OPCML: variants seen among roughly 807,000 people sequenced by gnomAD.
OPCML encodes opioid-binding protein/cell adhesion molecule.
OPCML carries 13 observed loss-of-function variants against 37.8 expected under a neutral mutation model. The ratio of observed to expected loss-of-function variants is 0.34; its 90% CI spans 0.22 to 0.55. OPCML has a LOEUF of 0.55. Ranked by LOEUF, OPCML falls within the 20% of genes least tolerant of loss-of-function variation. OPCML has a pLI of 0.91. For synonymous variants in OPCML, 176 were observed against 168.8 expected (o/e 1.04, Z -0.33); for missense variants, 341 against 435.6 (o/e 0.78, Z 1.93).
At chr11:132,665,794 G>A (rs1264201322) in intron 2 of OPCML, among the ~76,000 whole-genome samples, 1 of 152,098 alleles carries the variant, frequency 6.6e-6, no homozygotes, top group East Asian at 1.9e-4. Context: ...GGTAGGCAAG[G>A]TTGAAATAAA....
At chr11:132,461,855 C>T (rs571671534) in intron 4 of OPCML, among the ~76,000 whole-genome samples, 2 of 152,248 alleles carry the variant, frequency 1.3e-5, no homozygotes, top group Admixed American at 1.3e-4. Flanking sequence ...ATAAAATCAT[C>T]AGATCTCCTG....
intron 1 of OPCML, among the ~76,000 whole-genome samples, chr11:133,440,146 G>T (rs1018326059): frequency 6.6e-6 from 1 of 152,072 alleles, no homozygotes; most frequent in African/African-American, 2.4e-5. Context: ...TGTAATCTCA[G>T]CACTTTGGGA....
intron 1 of OPCML, among the ~76,000 whole-genome samples, chr11:133,040,129 C>T (rs767071268): frequency 5.3e-5 from 8 of 152,076 alleles, no homozygotes; most frequent in East Asian, 1.9e-4. Context: ...GACATCCTCA[C>T]GTCAACTACT....
intron 7 of OPCML, among the ~76,000 whole-genome samples, chr11:132,427,629 A>G (rs1377260751): frequency 1.3e-5 from 2 of 152,248 alleles, no homozygotes; most frequent in Non-Finnish European, 2.9e-5. Flanking sequence ...CAAAAGCTTA[A>G]GAAGTTAATA....
chr11:133,083,898 T>C (rs1948779388), intron 1 of OPCML, among the ~76,000 whole-genome samples: 1 of 152,240 alleles, frequency 6.6e-6, no homozygotes, highest in Admixed American at 6.5e-5. Flanking sequence ...GAATTCTTAC[T>C]GTGTGAAAAA....
chr11:133,028,843 AC>A (rs1410322824), intron 1 of OPCML, among the ~76,000 whole-genome samples: 4 of 152,040 alleles, frequency 2.6e-5, no homozygotes, highest in African/African-American at 9.7e-5. Context: ...TGCCACAAAA[AC>A]AAAAATTGAC....
intron 1 of OPCML, among the ~76,000 whole-genome samples, chr11:133,426,367 A>G (rs1946002236): frequency 6.6e-6 from 1 of 152,136 alleles, no homozygotes; most frequent in East Asian, 1.9e-4. Flanking sequence ...GAGACACTGC[A>G]GGAAAAAAGG....
chr11:133,309,128 G>T (rs1943007584), intron 1 of OPCML, among the ~76,000 whole-genome samples: 1 of 152,038 alleles, frequency 6.6e-6, no homozygotes, highest in Admixed American at 6.6e-5. Flanking sequence ...CAAAAAAATG[G>T]GCAGAAGTTT....
intron 1 of OPCML, among the ~76,000 whole-genome samples, chr11:133,448,539 C>T (rs1045084207): frequency 6.6e-6 from 1 of 152,174 alleles, no homozygotes. Context: ...CTCACCGCAA[C>T]CTCCACCTCC....
At chr11:133,188,232 T>C (rs574712) in intron 1 of OPCML, among the ~76,000 whole-genome samples, 2 of 152,190 alleles carry the variant, frequency 1.3e-5, no homozygotes, top group African/African-American at 4.8e-5. Flanking sequence ...CTGAGTGCTG[T>C]CAAACACTAG....
intron 1 of OPCML, among the ~76,000 whole-genome samples, chr11:133,046,915 C>A (rs771916662): frequency 6.6e-6 from 1 of 151,584 alleles, no homozygotes; most frequent in African/African-American, 2.4e-5. Flanking sequence ...AGTTAGGAGC[C>A]GGGGAGTGGA....
At chr11:133,169,413 A>C (rs958305113) in intron 1 of OPCML, among the ~76,000 whole-genome samples, 7 of 152,248 alleles carry the variant, frequency 4.6e-5, no homozygotes, top group African/African-American at 7.2e-5. Context: ...AAACAAAACT[A>C]AATGATTATT....
At chr11:132,885,732 C>G (rs949204118) in intron 2 of OPCML, among the ~76,000 whole-genome samples, 1 of 152,082 alleles carries the variant, frequency 6.6e-6, no homozygotes, top group African/African-American at 2.4e-5. Context: ...AAATATTCAT[C>G]ATCTTGGAAG....
chr11:132,670,346 C>A (rs753634976), intron 2 of OPCML, among the ~76,000 whole-genome samples: 1 of 152,092 alleles, frequency 6.6e-6, no homozygotes, highest in Admixed American at 6.6e-5. Flanking sequence ...CCTACAAATA[C>A]CTGCCTACAT....
chr11:132,873,412 C>A (rs1252087476), intron 2 of OPCML, among the ~76,000 whole-genome samples: 1 of 152,036 alleles, frequency 6.6e-6, no homozygotes, highest in East Asian at 1.9e-4. Flanking sequence ...TGTAGGCATG[C>A]CCCCCAGAGC....
intron 4 of OPCML, among the ~76,000 whole-genome samples, chr11:132,439,058 G>A (rs2096022935): frequency 6.6e-6 from 1 of 152,158 alleles, no homozygotes; most frequent in Admixed American, 6.5e-5. Context: ...GCAATTCCAT[G>A]GAGGAAATAA....
intron 1 of OPCML, among the ~76,000 whole-genome samples, chr11:133,492,210 G>A (rs1591560109): frequency 6.6e-6 from 1 of 152,172 alleles, no homozygotes; most frequent in Non-Finnish European, 1.5e-5. Context: ...GGGGACCATG[G>A]AGAGCTACAG....
At chr11:133,496,262 C>T (rs1424885907) in intron 1 of OPCML, among the ~76,000 whole-genome samples, 1 of 152,128 alleles carries the variant, frequency 6.6e-6, no homozygotes, top group Non-Finnish European at 1.5e-5. Flanking sequence ...GGTCTATGTG[C>T]CTATTTTTAT....
chr11:132,552,763 C>CTTTTTTTTTTTATTTTTTTTTT lies in OPCML; in HGVS notation c.380-23578_380-23577insAAAAAAAAAATAAAAAAAAAAA, dbSNP rs2096385039. Among the ~76,000 whole-genome samples, 2 of 92,802 alleles carry CTTTTTTTTTTTATTTTTTTTTT rather than the reference C, an allele frequency of 2.2e-5. 1 individual carries two copies. Among genetic ancestry groups the CTTTTTTTTTTTATTTTTTTTTT allele is most frequent in the African/African-American group, 1.1e-4 (2 of 17,828 alleles). The allele number at this position is 92,802 out of a possible 152,430, so 60.9% of individuals were successfully genotyped here. A position where few individuals can be genotyped will look rare whatever the true frequency, so the allele number is the denominator to read the frequency against. On this transcript the variant is annotated intron_variant, in intron 3 of 7. Transcript: ENST00000524381. ...TAGTCAAACTAAATTAAACACTACT[C>CTTTTTTTTTTTATTTTTTTTTT]TTTTTTTTTTTTTTTTGAGACCGAG...
Sources: allele counts gnomAD v4.1 joint callset (sites outside exome capture counted in the v4.1 genomes callset), GRCh38; gene constraint gnomAD v4.1.1; transcripts MANE v1.5; gene names NCBI Gene and HGNC (gene_info 2026-07-23, HGNC 2026-07-21).